Variants in KCNIP1 observed in about 807,000 individuals in gnomAD.
KCNIP1 encodes the protein potassium voltage-gated channel interacting protein 1.
KCNIP1 carries 18 observed loss-of-function variants against 33.0 expected under a neutral mutation model. That is an observed-to-expected ratio of 0.55 (90% CI 0.38 to 0.81). KCNIP1 has a LOEUF of 0.81. KCNIP1 is among the 30% of genes least tolerant of loss of function. The probability of loss-of-function intolerance (pLI) is 0.00; values close to 1 mark genes in which losing one functional copy is unlikely to be tolerated. For missense variants in KCNIP1, 238 were observed against 271.6 expected (o/e 0.88, Z 0.87); for synonymous variants, 93 against 98.3 (o/e 0.95, Z 0.32).
intron 1 of KCNIP1, among the ~76,000 whole-genome samples, chr5:170,438,136 G>C (rs1265417781): frequency 6.6e-6 from 1 of 152,138 alleles, no homozygotes; most frequent in Non-Finnish European, 1.5e-5. Context: ...GGCTCTCTCC[G>C]TCCCTCCAGA....
upstream of KCNIP1, among the ~76,000 whole-genome samples, chr5:170,500,002 G>A (rs1001779021): frequency 2.0e-5 from 3 of 152,316 alleles, no homozygotes; most frequent in South Asian, 4.1e-4. Flanking sequence ...AAATACCCCA[G>A]TCTGGGTGGC....
intron 1 of KCNIP1, among the ~76,000 whole-genome samples, chr5:170,667,262 A>G (rs921891211): frequency 2.5e-4 from 38 of 151,924 alleles, no homozygotes; most frequent in Non-Finnish European, 4.6e-4. Flanking sequence ...CAGTGAGCCA[A>G]GATCGTGCCA....
chr5:170,502,518 C>T (rs976671463), upstream of KCNIP1, among the ~76,000 whole-genome samples: 1 of 152,040 alleles, frequency 6.6e-6, no homozygotes, highest in Non-Finnish European at 1.5e-5. Context: ...GCTGTGTGTG[C>T]GTCTGCATGC....
chr5:170,712,430 G>T (rs1763481984), intron 1 of KCNIP1, among the ~76,000 whole-genome samples: 1 of 152,200 alleles, frequency 6.6e-6, no homozygotes, highest in Non-Finnish European at 1.5e-5. Context: ...AATCCTACAA[G>T]ATATGCAGTT....
At position 170,720,308 on chromosome 5, in the gene KCNIP1, C is replaced by T. The variant is rs2113871731; in HGVS notation, c.187-13C>T. The T allele has an allele frequency of 1.2e-6, 2 of 1,610,738 alleles. No homozygotes were observed. On this transcript the variant is annotated splice_polypyrimidine_tract_variant and intron_variant, in intron 2 of 7. Coordinates refer to ENST00000328939, the MANE Select transcript of KCNIP1 (RefSeq NM_014592.4). Reference sequence around the variant, plus strand: ...CTCAAATGCCTCCCGCTGACTCTCTCCCCTTCCCACAGGAGTGCCCCAGTG... The same window carrying T: ...CTCAAATGCCTCCCGCTGACTCTCTTCCCTTCCCACAGGAGTGCCCCAGTG...
chr5:170,555,748 G>T (rs1477959007), intron 1 of KCNIP1, among the ~76,000 whole-genome samples: 1 of 152,218 alleles, frequency 6.6e-6, no homozygotes, highest in East Asian at 1.9e-4. Flanking sequence ...GTCCCACAGA[G>T]TCTTCATGAA....
At chr5:170,433,729 T>G (rs970585674) in intron 1 of KCNIP1, among the ~76,000 whole-genome samples, 3 of 152,244 alleles carry the variant, frequency 2.0e-5, no homozygotes, top group Non-Finnish European at 4.4e-5. Context: ...CTGCCTCTGT[T>G]GAGGGCTTGC....
rs925993658 is a variant in KCNIP1 at position 170,504,914 on chromosome 5, G to A, written c.61+281G>A. Among the ~76,000 whole-genome samples the A allele has an allele frequency of 1.3e-5, 2 of 152,210 alleles. No individual in the cohort carries two copies. Among genetic ancestry groups the A allele is most frequent in the Non-Finnish European group, 2.9e-5 (2 of 68,034 alleles). On this transcript the variant is annotated intron_variant, in intron 1 of 7. Transcript: ENST00000328939. This position sits in a 1 kb window ranked among gnomAD's most constrained non-coding sequence, Gnocchi z 6.0. The stretch of plus-strand genomic sequence containing the variant: ...GAAATCTCTGAGAGCCGAAGGAAGC[G>A]GCATGTTCACAGGTGGGGGTGACCG...
intron 1 of KCNIP1, among the ~76,000 whole-genome samples, chr5:170,690,572 A>T (rs1405028120): frequency 6.6e-6 from 1 of 152,254 alleles, no homozygotes. Context: ...CATGCTGTTC[A>T]TGGCAAGGGA....
At chr5:170,691,168 G>C (rs1762706461) in intron 1 of KCNIP1, among the ~76,000 whole-genome samples, 1 of 152,162 alleles carries the variant, frequency 6.6e-6, no homozygotes, top group African/African-American at 2.4e-5. Flanking sequence ...CATCCTATGG[G>C]TTATGCACTG....
At chr5:170,555,662 C>T (rs1272204414) in intron 1 of KCNIP1, among the ~76,000 whole-genome samples, 1 of 152,188 alleles carries the variant, frequency 6.6e-6, no homozygotes, top group African/African-American at 2.4e-5. Flanking sequence ...GGAGCAAGTG[C>T]TTTCTCCCTT....
At chr5:170,597,784 A>AATAGATATAT (rs1433551163) in intron 1 of KCNIP1, among the ~76,000 whole-genome samples, 12 of 134,482 alleles carry the variant, frequency 8.9e-5, no homozygotes, top group African/African-American at 3.1e-4. Context: ...GAGAGAGATA[A>AATAGATATAT]ATATATATAT....
chr5:170,621,337 T>C (rs1466660760), intron 1 of KCNIP1, among the ~76,000 whole-genome samples: 5 of 151,960 alleles, frequency 3.3e-5, no homozygotes, highest in African/African-American at 1.2e-4. Context: ...CTAGTGTAGA[T>C]CTAAGATTAT....
intron 1 of KCNIP1, among the ~76,000 whole-genome samples, chr5:170,607,193 C>A (rs1758958431): frequency 6.6e-6 from 1 of 152,218 alleles, no homozygotes. Context: ...TGGTTCGGAT[C>A]TACTTAATTG....
chr5:170,558,203 G>A (rs1306538849), intron 1 of KCNIP1, among the ~76,000 whole-genome samples: 1 of 152,126 alleles, frequency 6.6e-6, no homozygotes, highest in Non-Finnish European at 1.5e-5. Flanking sequence ...CACGATCAAG[G>A]AATCTCATCA....
chr5:170,539,040 G>C (rs1284403358), intron 1 of KCNIP1, among the ~76,000 whole-genome samples: 4 of 151,932 alleles, frequency 2.6e-5, no homozygotes, highest in African/African-American at 9.7e-5. Context: ...TATGCAATCT[G>C]CAGGTCCTAT....
intron 3 of KCNIP1, 75 bp downstream of exon 3, chr5:170,720,465 C>A: frequency 8.5e-7 from 1 of 1,170,402 alleles, no homozygotes; most frequent in Non-Finnish European, 1.3e-6. Context: ...CAAGTCCTCT[C>A]TTCCTTGCCA....
chr5:170,396,054 A>G (rs1231087758), intron 1 of KCNIP1, among the ~76,000 whole-genome samples: 2 of 152,192 alleles, frequency 1.3e-5, no homozygotes, highest in African/African-American at 4.8e-5. Context: ...GAAATCTACA[A>G]ACAATACACA....
chr5:170,474,103 C>A (rs145097822), intron 1 of KCNIP1, among the ~76,000 whole-genome samples: 3,607 of 152,252 alleles, frequency 0.024, 74 homozygotes, highest in Middle Eastern at 0.065. Flanking sequence ...AAAAGCTGTC[C>A]TTTTGTAAAA....
Sources: gnomAD v4.1 joint callset for allele counts (sites outside exome capture counted in the v4.1 genomes callset) on GRCh38, gnomAD v4.1.1 for gene constraint, Gnocchi (gnomAD v3.1) non-coding constraint, MANE v1.5 for transcripts, NCBI Gene and HGNC (gene_info 2026-07-23, HGNC 2026-07-21) for gene names.